Variants in FAM107A observed in about 807,000 individuals in gnomAD.
The protein encoded by FAM107A is family with sequence similarity 107 member A.
FAM107A carries 19 observed loss-of-function variants against 13.7 expected under a neutral mutation model. That is an observed-to-expected ratio of 1.38 (90% confidence interval 0.97 to 2.03). The LOEUF (loss-of-function observed/expected upper bound fraction) is 2.03. FAM107A is among the 30% of genes most tolerant of loss of function. The probability of loss-of-function intolerance (pLI) is 0.00; values close to 1 mark genes in which losing one functional copy is unlikely to be tolerated. For missense variants in FAM107A, 203 were observed against 184.4 expected (o/e 1.10, Z -0.58); for synonymous variants, 82 against 74.5 (o/e 1.10, Z -0.52).
In FAM107A at chr3:58,566,555, GGGTGGGCAGT is replaced by G; in HGVS notation, c.*23_*32del. On this transcript the variant is annotated 3_prime_UTR_variant, in exon 4 of 4. Transcript: ENST00000360997. ...GGGCTGAAGGAGGCTGTCCAGGCCA[GGGTGGGCAGT>G]GGCCTGAGCCCGGCAGCTGGCCCTA... 1 of 1,513,590 alleles carries G rather than the reference GGGTGGGCAGT, an allele frequency of 6.6e-7. No individual in the cohort carries two copies. The allele number at this position is 1,513,590 out of a possible 1,614,324, so 93.8% of individuals were successfully genotyped here.
intron 1 of FAM107A, among the ~76,000 whole-genome samples, chr3:58,596,481 C>T (rs924237179): frequency 6.6e-5 from 10 of 152,142 alleles, no homozygotes; most frequent in African/African-American, 2.4e-4. Context: ...AGTTCGAGAC[C>T]AGCCTGGTCA....
chr3:58,624,931 C>T (rs917682373), intron 1 of FAM107A, among the ~76,000 whole-genome samples: 2 of 152,058 alleles, frequency 1.3e-5, no homozygotes, highest in Admixed American at 1.3e-4. Flanking sequence ...TCCAGCTCCA[C>T]ATAGGCCCTG....
intron 1 of FAM107A, among the ~76,000 whole-genome samples, chr3:58,625,480 C>T (rs929668833): frequency 2.6e-4 from 39 of 152,192 alleles, no homozygotes; most frequent in Non-Finnish European, 1.5e-5. Context: ...CCTGCTTCAC[C>T]TTTGACATCA....
intron 3 of FAM107A, chr3:58,566,955 G>C: frequency 3.3e-6 from 2 of 611,128 alleles, no homozygotes; most frequent in South Asian, 3.9e-5. Context: ...TCACAAGACA[G>C]TTATAAGAAT....
intron 1 of FAM107A, among the ~76,000 whole-genome samples, chr3:58,583,351 G>A (rs1400907036): frequency 6.6e-6 from 1 of 152,162 alleles, no homozygotes; most frequent in Non-Finnish European, 1.5e-5. Context: ...AGCCGGGTGC[G>A]GTGGCTCATG....
chr3:58,570,538 T>A (rs2108041497), intron 1 of FAM107A: 1 of 167,116 alleles, frequency 6.0e-6, no homozygotes, highest in African/African-American at 2.5e-5. Flanking sequence ...CTCCCTCTTC[T>A]ACAAACTGGC....
chr3:58,610,302 G>C (rs763179338), intron 1 of FAM107A, among the ~76,000 whole-genome samples: 10 of 152,176 alleles, frequency 6.6e-5, no homozygotes, highest in Non-Finnish European at 1.5e-4. Context: ...AGGCCACACG[G>C]CTGGCAAGTG....
intron 1 of FAM107A, among the ~76,000 whole-genome samples, chr3:58,595,878 C>A (rs2065703357): frequency 6.6e-6 from 1 of 152,208 alleles, no homozygotes; most frequent in South Asian, 2.1e-4. Flanking sequence ...CTAGATCATT[C>A]CTGATGCATT....
chr3:58,579,081 G>A (rs897694481), upstream of FAM107A, among the ~76,000 whole-genome samples: 2 of 152,200 alleles, frequency 1.3e-5, no homozygotes, highest in East Asian at 1.9e-4. Context: ...GAGGAATGCC[G>A]TGATGAACGC....
At position 58,567,294 on chromosome 3, in the gene FAM107A, T is replaced by G. The variant is rs377504433; in HGVS notation, c.241A>C (p.Lys81Gln). 3.7e-6 allele frequency: 6 copies of G among 1,613,568 alleles called. No homozygotes were observed. In the South Asian group the frequency reaches 4.4e-5, roughly 12 times the overall value. ...GCTTCCAGCTCCTCCTTCTTCTTCTTGATGAGCTGGTTCCGCCGGCGGTGC... is the reference window on the plus strand; with the variant it reads ...GCTTCCAGCTCCTCCTTCTTCTTCTGGATGAGCTGGTTCCGCCGGCGGTGC... ...LEHRRRNQLI[K>Q]KKKEELEAKR... Residue 81 changes from lysine to glutamine, a missense_variant, in exon 3 of 4, where the codon AAG (lysine) becomes CAG (glutamine). Physicochemically the swap from Lys to Gln is moderately conservative, Grantham distance 53 (BLOSUM62 1). Transcript: ENST00000360997.
chr3:58,581,743 G>A (rs1293994576), upstream of FAM107A, among the ~76,000 whole-genome samples: 2 of 152,180 alleles, frequency 1.3e-5, no homozygotes, highest in Admixed American at 6.5e-5. Context: ...AGTTTGAACC[G>A]GGAAGAATTT....
At chr3:58,592,304 G>A (rs935267571) in intron 1 of FAM107A, among the ~76,000 whole-genome samples, 1 of 152,154 alleles carries the variant, frequency 6.6e-6, no homozygotes, top group African/African-American at 2.4e-5. Flanking sequence ...GGCAACATTA[G>A]CATCACAAAG....
chr3:58,578,710 G>C (rs10866020), upstream of FAM107A, among the ~76,000 whole-genome samples: 1 of 152,034 alleles, frequency 6.6e-6, no homozygotes, highest in East Asian at 1.9e-4. Flanking sequence ...AGCTGGAAGT[G>C]TTTTCTATCG....
intron 1 of FAM107A, chr3:58,626,980 C>A (rs1559490306): frequency 7.8e-6 from 12 of 1,535,892 alleles, no homozygotes; most frequent in Admixed American, 2.0e-5. Context: ...CCTTCTTCCC[C>A]TGGGCTGCTC....
intron 1 of FAM107A, among the ~76,000 whole-genome samples, chr3:58,575,898 C>T (rs963834139): frequency 1.3e-5 from 2 of 152,238 alleles, no homozygotes; most frequent in Non-Finnish European, 2.9e-5. Context: ...CCCCCACTTC[C>T]TCATTACTGT....
intron 1 of FAM107A, among the ~76,000 whole-genome samples, chr3:58,626,626 T>C (rs966420216): frequency 2.0e-5 from 3 of 152,170 alleles, no homozygotes; most frequent in Non-Finnish European, 4.4e-5. Flanking sequence ...AATTTTAAGA[T>C]CTTTCCCCTG....
upstream of FAM107A, chr3:58,587,192 C>G (rs956413398): frequency 2.7e-6 from 3 of 1,108,178 alleles, no homozygotes; most frequent in African/African-American, 3.3e-5. Context: ...AGTGAGGACT[C>G]CTAGCCCCGA....
In FAM107A at chr3:58,585,956, G is replaced by A. The variant is rs542451042; in HGVS notation, c.79+902C>T. 3.9e-5 allele frequency among the ~76,000 whole-genome samples: 6 copies of A among 152,294 alleles called. No homozygotes were observed. In the South Asian group the frequency reaches 1.2e-3, roughly 32 times the overall value. On this transcript the variant is annotated intron_variant, in intron 1 of 3. Coordinates refer to the FAM107A transcript ENST00000447756. Reference sequence around the variant, plus strand: ...CTTACTGCAAACAAGCAAACAAAAAGATGGAAGAGAAAAAGCACCTATCAT... The same window carrying A: ...CTTACTGCAAACAAGCAAACAAAAAAATGGAAGAGAAAAAGCACCTATCAT...
intron 1 of FAM107A, among the ~76,000 whole-genome samples, chr3:58,571,575 T>C (rs2063684354): frequency 6.6e-6 from 1 of 152,158 alleles, no homozygotes; most frequent in African/African-American, 2.4e-5. Flanking sequence ...ACAAAATACA[T>C]AGTTGGCTGT....
Sources: allele counts gnomAD v4.1 joint callset (sites outside exome capture counted in the v4.1 genomes callset), GRCh38; gene constraint gnomAD v4.1.1; transcripts MANE v1.5; gene names NCBI Gene and HGNC (gene_info 2026-07-23, HGNC 2026-07-21).